The following SMCHD1 variants were observed in gnomAD, a reference collection of about 807,000 sequenced individuals.
SMCHD1 encodes structural maintenance of chromosomes flexible hinge domain-containing protein 1.
In SMCHD1, 78 loss-of-function variants were observed where a neutral mutation model predicts 254.7. That is an observed-to-expected ratio of 0.31 (90% CI 0.26 to 0.37). The LOEUF is 0.37. Among genes scored for constraint, SMCHD1 ranks in the 10% least tolerant of loss-of-function variants. The probability of loss-of-function intolerance (pLI) is 1.00; values close to 1 mark genes in which losing one functional copy is unlikely to be tolerated. For missense variants in SMCHD1, 1,840 were observed against 2,408.1 expected (o/e 0.76, Z 4.94); for synonymous variants, 766 against 794.9 (o/e 0.96, Z 0.61).
At chr18:2,721,156 A>G (rs2074918047) in intron 19 of SMCHD1, among the ~76,000 whole-genome samples, 1 of 152,166 alleles carries the variant, frequency 6.6e-6, no homozygotes, top group African/African-American at 2.4e-5. Context: ...GATAACGGTG[A>G]ATCAGATTCA....
rs1555649928 is a variant in SMCHD1 at position 2,762,088 on chromosome 18, C to T, written c.4435-17C>T. The stretch of plus-strand genomic sequence containing the variant: ...ATCAATATATTGTTAATCAGAATGT[C>T]TCTTTTGTTTTGTAAGGTTATAGTT... On this transcript the variant is annotated splice_polypyrimidine_tract_variant and intron_variant, in intron 35 of 47. Transcript: ENST00000320876. The T allele has an allele frequency of 6.2e-7, 1 of 1,609,936 alleles. No individual in the cohort carries two copies. Among genetic ancestry groups the T allele is most frequent in the East Asian group, 2.2e-5 (1 of 44,802 alleles).
At chr18:2,694,129 A>G (rs993441129) in intron 7 of SMCHD1, among the ~76,000 whole-genome samples, 21 of 152,188 alleles carry the variant, frequency 1.4e-4, no homozygotes, top group African/African-American at 4.8e-4. Flanking sequence ...TTTCTTGAAC[A>G]TGGAGGGCTG....
At position 2,779,366 on chromosome 18, in the gene SMCHD1, G is replaced by T. The variant is rs1349906396; in HGVS notation, c.5547+1127G>T. 2.0e-5 allele frequency among the ~76,000 whole-genome samples: 3 copies of T among 152,118 alleles called. No individual in the cohort carries two copies. In the East Asian group the frequency reaches 5.8e-4, roughly 29 times the overall value. ...TTTGGGGATGTCTGCTAGGGTTATT[G>T]TTCTCACCCATGAGGGTGAGATAGA... is the stretch of plus-strand genomic sequence containing the variant. On this transcript the variant is annotated intron_variant, in intron 44 of 47. Transcript: ENST00000320876.
intron 5 of SMCHD1, among the ~76,000 whole-genome samples, chr18:2,677,615 C>G (rs1325190814): frequency 6.6e-6 from 1 of 152,126 alleles, no homozygotes; most frequent in Non-Finnish European, 1.5e-5. Context: ...CACTAATATC[C>G]TTTTAATAGT....
chr18:2,726,583 TGATATGAAGTTAGA>T, intron 22 of SMCHD1, 59 bp downstream of exon 22: 1 of 846,548 alleles, frequency 1.2e-6, no homozygotes, highest in Admixed American at 3.1e-5. Context: ...TAAAGTATAA[TGATATGAAGTTAGA>T]GGTTTTTGGG....
In SMCHD1 at chr18:2,656,130, G is replaced by C. The variant is rs748596758; in HGVS notation, c.55G>C (p.Asp19His). 1.3e-6 allele frequency: 2 copies of C among 1,490,026 alleles called. No homozygotes were observed. Among genetic ancestry groups the C allele is most frequent in the Admixed American group, 2.6e-5 (1 of 38,712 alleles). 92.3% of individuals were successfully genotyped at this position (1,490,026 alleles called of 1,614,324 possible). A position where few individuals can be genotyped will look rare whatever the true frequency, so the allele number is the denominator to read the frequency against. The change falls in exon 1 of 48, where the codon GAT becomes CAT. Residue 19 changes from aspartate (D) to histidine (H), a missense_variant. Coordinates refer to ENST00000320876, the MANE Select transcript of SMCHD1 (RefSeq NM_015295.3). ...PGGASVGTEE[D>H]GGGVGHRTVY... ...TGGGGCCTCTGTGGGGACTGAGGAG[G>C]ATGGCGGAGGCGTCGGCCACAGGAC...
At chr18:2,769,864 T>C (rs765852115) in intron 38 of SMCHD1, 44 bp downstream of exon 38, 14 of 1,572,826 alleles carry the variant, frequency 8.9e-6, no homozygotes, top group Non-Finnish European at 1.2e-5. Context: ...TTGTTAGTGA[T>C]ACTTTAGATA....
rs769432583 is a variant in SMCHD1 at position 2,708,907 on chromosome 18, T to TATATATATATAAA, written c.2260+988_2260+989insTATATATATAAAA. Among the ~76,000 whole-genome samples the TATATATATATAAA allele has an allele frequency of 7.2e-3, 320 of 44,684 alleles. 44 individuals are homozygous for TATATATATATAAA. The highest frequency in any genetic ancestry group is 0.025 in the African/African-American group (296 of 11,872). 29.3% of individuals were successfully genotyped at this position (44,684 alleles called of 152,430 possible). A position where few individuals can be genotyped will look rare whatever the true frequency, so the allele number is the denominator to read the frequency against. ...ATATATATATATATATATATATATA[T>TATATATATATAAA]AACATATTAACATGAAATTTATGAA... On this transcript the variant is annotated intron_variant, in intron 17 of 47. Transcript: ENST00000320876.
chr18:2,744,565 A>G (rs1285003494), intron 29 of SMCHD1, among the ~76,000 whole-genome samples: 1 of 152,090 alleles, frequency 6.6e-6, no homozygotes, highest in East Asian at 1.9e-4. Context: ...ATATTCTCAT[A>G]CTTTTTTTTG....
In SMCHD1 at chr18:2,780,262, AAAAAG is replaced by A. The variant is rs1490266880; in HGVS notation, c.5547+2024_5547+2028del. Among the ~76,000 whole-genome samples, 11 of 142,378 alleles carry A rather than the reference AAAAAG, an allele frequency of 7.7e-5. 1 individual carries two copies. The East Asian group carries it at 8.1e-4, about 10-fold the overall frequency. 93.4% of individuals were successfully genotyped at this position (142,378 alleles called of 152,430 possible). On this transcript the variant is annotated intron_variant, in intron 44 of 47. Transcript: ENST00000320876. ...CTAAAAAAAAAAAAAAAAAAAAAAA[AAAAAG>A]GCAATAATAAATTCATCTTAGTTTA...
intron 1 of SMCHD1, among the ~76,000 whole-genome samples, chr18:2,661,216 ATACC>A (rs1006313498): frequency 3.9e-5 from 6 of 152,160 alleles, no homozygotes; most frequent in Admixed American, 2.0e-4. Flanking sequence ...ATTAGGACAA[ATACC>A]TAATGCATGT....
intron 37 of SMCHD1, among the ~76,000 whole-genome samples, chr18:2,766,680 A>G (rs2143715664): frequency 6.6e-6 from 1 of 152,338 alleles, no homozygotes; most frequent in South Asian, 2.1e-4. Flanking sequence ...TAGTTGCTTA[A>G]GTTTGTTAAT....
At position 2,755,218 on chromosome 18, in the gene SMCHD1, C is replaced by G. The variant is rs138921966; in HGVS notation, c.4346+2666C>G. Among the ~76,000 whole-genome samples the G allele has an allele frequency of 2.6e-5, 4 of 152,108 alleles. No individual in the cohort carries two copies. In the East Asian group the frequency reaches 7.7e-4, roughly 29 times the overall value. On this transcript the variant is annotated intron_variant, in intron 34 of 47. Transcript: ENST00000320876. Reference sequence around the variant, plus strand: ...TACAGACCCACAGCACTACGCCTGACTTATGATTTTATTTTTTGTGGAGAC... The same window carrying G: ...TACAGACCCACAGCACTACGCCTGAGTTATGATTTTATTTTTTGTGGAGAC...
chr18:2,706,985 A>T (rs1202545078), intron 15 of SMCHD1, among the ~76,000 whole-genome samples: 1 of 152,186 alleles, frequency 6.6e-6, no homozygotes, highest in Non-Finnish European at 1.5e-5. Flanking sequence ...GGAAGGGGGA[A>T]CTGTCAAACA....
In SMCHD1 at chr18:2,732,486, A is replaced by C; in HGVS notation, c.3270A>C (p.Lys1090Asn). 1 of 1,581,856 alleles carries C rather than the reference A, an allele frequency of 6.3e-7. No individual in the cohort carries two copies. The highest frequency in any genetic ancestry group is 8.6e-7 in the Non-Finnish European group (1 of 1,157,724). Reference protein sequence around the residue: ...EINITSALAEKIKVNWTPEIN... With the variant: ...EINITSALAENIKVNWTPEIN... ...ATATAACATCAGCTTTAGCAGAAAA[A>C]ATTAAAGTAAGTATCTCTAACAGAT... The change falls in exon 25 of 48, where the codon AAA (lysine) becomes AAC (asparagine). Residue 1090 changes from lysine (K) to asparagine (N), a missense_variant. Lys to Asn is a moderately conservative substitution (Grantham distance 94). Transcript: ENST00000320876.
intron 5 of SMCHD1, among the ~76,000 whole-genome samples, chr18:2,682,601 C>A (rs764253035): frequency 6.6e-6 from 1 of 152,200 alleles, no homozygotes; most frequent in Non-Finnish European, 1.5e-5. Context: ...GGATTATGGG[C>A]GTGAGCCACC....
chr18:2,663,094 A>T (rs1226948882), intron 1 of SMCHD1, among the ~76,000 whole-genome samples: 2 of 152,054 alleles, frequency 1.3e-5, no homozygotes, highest in East Asian at 3.9e-4. Context: ...CTTTTTCTTT[A>T]TGACTTGTGC....
chr18:2,689,852 T>TA (rs1167921048), intron 7 of SMCHD1, among the ~76,000 whole-genome samples: 4,879 of 72,414 alleles, frequency 0.067, 277 homozygotes, highest in Admixed American at 0.098. Flanking sequence ...TTGTCTCTAC[T>TA]AAAAAAAAAA....
At chr18:2,776,231 T>A (rs1473817262) in intron 42 of SMCHD1, among the ~76,000 whole-genome samples, 2 of 152,158 alleles carry the variant, frequency 1.3e-5, no homozygotes, top group African/African-American at 4.8e-5. Flanking sequence ...TTTTAAATTT[T>A]TTAATTTTTA....
Sources: gnomAD v4.1 joint callset for allele counts (sites outside exome capture counted in the v4.1 genomes callset) on GRCh38, gnomAD v4.1.1 for gene constraint, MANE v1.5 for transcripts, NCBI Gene and HGNC (gene_info 2026-07-23, HGNC 2026-07-21) for gene names.